Variants in FRYL observed in about 807,000 individuals in gnomAD.
FRYL encodes the protein protein furry homolog-like.
Under a neutral mutation model 351.2 loss-of-function variants are expected in FRYL, and 150 were observed. The observed-to-expected ratio is 0.43, with a 90% CI of 0.37 to 0.49. The LOEUF is 0.49. Ranked by LOEUF, FRYL falls within the 20% of genes least tolerant of loss-of-function variation. The probability of loss-of-function intolerance (pLI) is 0.00; values close to 1 mark genes in which losing one functional copy is unlikely to be tolerated. For synonymous variants in FRYL, 1,153 were observed against 1,257.1 expected, an observed-to-expected ratio of 0.92 and a Z score of 1.75; for missense variants, 3,036 against 3,619.3, an observed-to-expected ratio of 0.84 and a Z score of 4.13.
chr4:48,625,385 G>C (rs552662857), intron 4 of FRYL, among the ~76,000 whole-genome samples: 1 of 152,306 alleles, frequency 6.6e-6, no homozygotes, highest in South Asian at 2.1e-4. Flanking sequence ...CTTTGGGTCA[G>C]TAAGTCATGG....
chr4:48,575,221 A>G lies in FRYL; in HGVS notation c.2742T>C (p.Pro914=), dbSNP rs1386968079. 1.2e-6 allele frequency: 2 copies of G among 1,613,516 alleles called. No homozygotes were observed. The highest frequency in any genetic ancestry group is 1.7e-6 in the Non-Finnish European group (2 of 1,179,624). Residue 914 remains proline (P), a synonymous_variant, in exon 25 of 64, where the codon CCT becomes CCC. Transcript: ENST00000358350. ...GAACTATGTGCTTAAACAAGGATGAAGGGGATGGGATGCCAATAATCTGGA... is the reference window on the plus strand; with the variant it reads ...GAACTATGTGCTTAAACAAGGATGAGGGGGATGGGATGCCAATAATCTGGA... ...IDSKIIGIPS[P]SSLFKHIVPM...
intron 7 of FRYL, among the ~76,000 whole-genome samples, chr4:48,612,517 T>TGTGG (rs1409121245): frequency 6.6e-6 from 1 of 152,002 alleles, no homozygotes; most frequent in Non-Finnish European, 1.5e-5. Flanking sequence ...TGTGTGTGTG[T>TGTGG]GTGTGTGTGA....
Position 48,771,341 on chromosome 4 carries a change from G to A in FRYL, c.-384+8737C>T, listed in dbSNP as rs186102624. Among the ~76,000 whole-genome samples the A allele has an allele frequency of 3.3e-5, 5 of 152,258 alleles. No homozygotes were observed. The East Asian group carries it at 5.8e-4, about 18-fold the overall frequency. ...GATCCAGTTTAAACAAAAATATTTA[G>A]GTAACAGACACATCTGGCTATTTTA... On this transcript the variant is annotated intron_variant, in intron 1 of 63. Coordinates refer to ENST00000358350, the MANE Select transcript of FRYL (RefSeq NM_015030.2).
At chr4:48,642,169 C>G (rs1349238956) in intron 3 of FRYL, among the ~76,000 whole-genome samples, 4 of 152,066 alleles carry the variant, frequency 2.6e-5, no homozygotes, top group African/African-American at 9.7e-5. Flanking sequence ...ATTGTTACAG[C>G]TGTATAACAG....
At chr4:48,675,341 G>A (rs1383555795) in intron 3 of FRYL, among the ~76,000 whole-genome samples, 2 of 152,226 alleles carry the variant, frequency 1.3e-5, no homozygotes, top group African/African-American at 2.4e-5. Context: ...AGGTGTGGAG[G>A]GAGAGGCGCG....
intron 3 of FRYL, among the ~76,000 whole-genome samples, chr4:48,680,636 T>C (rs996349313): frequency 1.2e-4 from 18 of 152,100 alleles, no homozygotes; most frequent in African/African-American, 4.1e-4. Flanking sequence ...TGTTTACATA[T>C]CCTATAGGTG....
chr4:48,608,225 A>G (rs1355832708), intron 9 of FRYL, among the ~76,000 whole-genome samples: 2 of 152,212 alleles, frequency 1.3e-5, no homozygotes, highest in Non-Finnish European at 2.9e-5. Flanking sequence ...TTCACTTAAT[A>G]TTAAAATGCA....
intron 47 of FRYL, among the ~76,000 whole-genome samples, chr4:48,538,854 A>G (rs778429558): frequency 6.6e-6 from 1 of 152,006 alleles, no homozygotes; most frequent in Non-Finnish European, 1.5e-5. Context: ...AGAACTGTTT[A>G]TATTTTCAGT....
At chr4:48,530,605 A>T (rs532745410) in intron 50 of FRYL, among the ~76,000 whole-genome samples, 2 of 152,232 alleles carry the variant, frequency 1.3e-5, no homozygotes, top group South Asian at 4.2e-4. Context: ...CTCATGTCTC[A>T]TCACACTCTA....
At chr4:48,698,039 T>C (rs1217030718) in intron 2 of FRYL, among the ~76,000 whole-genome samples, 4 of 152,188 alleles carry the variant, frequency 2.6e-5, no homozygotes, top group Non-Finnish European at 5.9e-5. Context: ...CTATACTCAG[T>C]GGCACTTACA....
chr4:48,545,967 A>G (rs1731247667), intron 42 of FRYL, 100 bp downstream of exon 42: 1 of 1,037,724 alleles, frequency 9.6e-7, no homozygotes, highest in South Asian at 1.5e-5. Context: ...TTTCACATCA[A>G]TGGTATTTCA....
At chr4:48,646,855 G>C (rs1756580251) in intron 3 of FRYL, among the ~76,000 whole-genome samples, 1 of 152,174 alleles carries the variant, frequency 6.6e-6, no homozygotes. Flanking sequence ...ATGGTACCTA[G>C]AGAATATGAT....
intron 1 of FRYL, among the ~76,000 whole-genome samples, chr4:48,735,335 G>A (rs1228055257): frequency 1.0e-4 from 1 of 9,602 alleles, no homozygotes; most frequent in Non-Finnish European, 1.9e-4. Flanking sequence ...GTGCTGGAGA[G>A]GATGTGGAGA....
At chr4:48,764,317 C>T (rs1476161439) in intron 1 of FRYL, among the ~76,000 whole-genome samples, 1 of 151,946 alleles carries the variant, frequency 6.6e-6, no homozygotes, top group Admixed American at 6.6e-5. Context: ...CTGCTTGAGT[C>T]CAGGAGTTCA....
chr4:48,718,245 A>G (rs1246804294), intron 1 of FRYL, among the ~76,000 whole-genome samples: 1 of 151,690 alleles, frequency 6.6e-6, no homozygotes, highest in African/African-American at 2.4e-5. Context: ...GAGTGCAAAA[A>G]CAAAATGCTT....
chr4:48,576,251 A>G, intron 23 of FRYL, 29 bp from the exon 24 acceptor site: 1 of 1,508,454 alleles, frequency 6.6e-7, no homozygotes. Flanking sequence ...AAATAGGCAG[A>G]TATGAATAAC....
chr4:48,739,766 T>C (rs1193769336), intron 1 of FRYL, among the ~76,000 whole-genome samples: 1 of 152,208 alleles, frequency 6.6e-6, no homozygotes, highest in African/African-American at 2.4e-5. Flanking sequence ...TAATCCTCGA[T>C]GTGGTAGTAT....
intron 1 of FRYL, among the ~76,000 whole-genome samples, chr4:48,746,813 C>T (rs1324044821): frequency 6.6e-6 from 1 of 152,156 alleles, no homozygotes; most frequent in African/African-American, 2.4e-5. Flanking sequence ...TCAAGAGACA[C>T]TTAGAAAAGT....
intron 2 of FRYL, among the ~76,000 whole-genome samples, chr4:48,707,980 C>T (rs1767560787): frequency 6.6e-6 from 1 of 151,752 alleles, no homozygotes; most frequent in Non-Finnish European, 1.5e-5. Flanking sequence ...GCCACCACAC[C>T]CGGCTAATTT....
Sources: gnomAD v4.1 joint callset for allele counts (sites outside exome capture counted in the v4.1 genomes callset) on GRCh38, gnomAD v4.1.1 for gene constraint, MANE v1.5 for transcripts, NCBI Gene and HGNC (gene_info 2026-07-23, HGNC 2026-07-21) for gene names.